Variants in ZNF71 observed in about 807,000 individuals in gnomAD.
ZNF71 encodes the protein zinc finger protein 71, also known as endothelial zinc finger protein induced by tumor necrosis factor alpha.
A neutral mutation model predicts 6.7 loss-of-function variants in ZNF71; 3 were observed. The ratio of observed to expected loss-of-function variants is 0.45; its 90% CI spans 0.20 to 1.16. ZNF71 has a LOEUF of 1.16. Among genes scored for constraint, ZNF71 ranks in the 50% most tolerant of loss-of-function variants. ZNF71 has a pLI of 0.25. For missense variants in ZNF71, 688 were observed against 728.6 expected, an observed-to-expected ratio of 0.94 and a Z score of 0.64; for synonymous variants, 343 against 311.1, an observed-to-expected ratio of 1.10 and a Z score of -1.08.
In ZNF71 at chr19:56,622,832, T is replaced by C; in HGVS notation, c.*75T>C. On this transcript the variant is annotated 3_prime_UTR_variant, in exon 4 of 4. Transcript: ENST00000599599. ...TGGCTGCGCGCTTTGTCAGCAGTGC[T>C]GTGAGAAGTTCTCCCCTGGGGTGGG... 1 of 1,522,572 alleles carries C rather than the reference T, an allele frequency of 6.6e-7. No homozygotes were observed. The highest frequency in any genetic ancestry group is 8.8e-7 in the Non-Finnish European group (1 of 1,133,186). The allele number at this position is 1,522,572 out of a possible 1,614,324, so 94.3% of individuals were successfully genotyped here.
At chr19:56,596,604 C>T (rs1287611601) in intron 1 of ZNF71, among the ~76,000 whole-genome samples, 2 of 152,138 alleles carry the variant, frequency 1.3e-5, no homozygotes, top group Admixed American at 1.3e-4. Context: ...TCTGTTCTGA[C>T]CAAGGAGAGG....
At chr19:56,597,306 G>A (rs1031529477) in intron 1 of ZNF71, among the ~76,000 whole-genome samples, 1 of 152,064 alleles carries the variant, frequency 6.6e-6, no homozygotes, top group Non-Finnish European at 1.5e-5. Flanking sequence ...CTATCTGCAA[G>A]GAATTTTTTT....
chr19:56,611,209 C>T (rs1487369685), intron 2 of ZNF71, among the ~76,000 whole-genome samples: 1 of 152,140 alleles, frequency 6.6e-6, no homozygotes, highest in Non-Finnish European at 1.5e-5. Context: ...TGGAGCAGAG[C>T]ACAAGGGGCA....
chr19:56,622,965 G>C lies in ZNF71; in HGVS notation c.*208G>C, dbSNP rs753016399. On this transcript the variant is annotated 3_prime_UTR_variant, in exon 4 of 4. Transcript: ENST00000599599. ...GAAAGCAAGCCCCTCGGTGTCTGAC[G>C]TATCTGGGGACACTTCAAGGTTCAC... 1.5e-6 allele frequency: 1 copy of C among 662,888 alleles called. No individual in the cohort carries two copies. Among genetic ancestry groups the C allele is most frequent in the Non-Finnish European group, 2.6e-6 (1 of 388,054 alleles). The allele number at this position is 662,888 out of a possible 1,614,324, so 41.1% of individuals were successfully genotyped here. A position where few individuals can be genotyped will look rare whatever the true frequency, so the allele number is the denominator to read the frequency against.
intron 3 of ZNF71, among the ~76,000 whole-genome samples, chr19:56,616,489 T>G (rs897679416): frequency 1.3e-5 from 2 of 152,222 alleles, no homozygotes; most frequent in Non-Finnish European, 2.9e-5. Context: ...CATTCTGGGT[T>G]TTCTGCCCAA....
Position 56,623,232 on chromosome 19 carries a change from C to CT in ZNF71, c.*476dup, listed in dbSNP as rs746095155. ...GTGGGTTGGGAGCGTGAGGGCCTTC[C>CT]TATCCCTCCACCCACCGTTTCCCTG... On this transcript the variant is annotated 3_prime_UTR_variant, in exon 4 of 4. Transcript: ENST00000599599. The CT allele has an allele frequency of 3.6e-4, 64 of 175,644 alleles. No individual in the cohort carries two copies. The highest frequency in any genetic ancestry group is 5.1e-4 in the Non-Finnish European group (37 of 73,062). The allele number at this position is 175,644 out of a possible 1,614,324, so 10.9% of individuals were successfully genotyped here. A position where few individuals can be genotyped will look rare whatever the true frequency, so the allele number is the denominator to read the frequency against.
chr19:56,617,242 C>T (rs936199011), intron 3 of ZNF71, among the ~76,000 whole-genome samples: 3 of 151,740 alleles, frequency 2.0e-5, no homozygotes, highest in African/African-American at 7.3e-5. Context: ...TCCTAAGTAG[C>T]TAGGATTACA....
intron 3 of ZNF71, among the ~76,000 whole-genome samples, chr19:56,615,912 G>A (rs1472571225): frequency 6.6e-6 from 1 of 152,110 alleles, no homozygotes; most frequent in Non-Finnish European, 1.5e-5. Context: ...AGGTTTTAGT[G>A]GTTTAGCTCT....
At position 56,621,598 on chromosome 19, in the gene ZNF71, C is replaced by T; in HGVS notation, c.491C>T (p.Pro164Leu). The stretch of plus-strand genomic sequence containing the variant: ...CCCACAGAAAAGGGGGCCTGTCCAC[C>T]CGTAAGGCGTGGCAAGAACTTCTCC... Reference protein sequence around the residue: ...DDPTEKGACPPVRRGKNFSST... With the variant: ...DDPTEKGACPLVRRGKNFSST... Residue 164 changes from proline to leucine, a missense_variant, in exon 4 of 4, where the codon CCC (proline) becomes CTC (leucine). Transcript: ENST00000599599. 1 of 1,614,214 alleles carries T rather than the reference C, an allele frequency of 6.2e-7. No homozygotes were observed. Among genetic ancestry groups the T allele is most frequent in the Non-Finnish European group, 8.5e-7 (1 of 1,180,030 alleles).
chr19:56,597,403 A>G (rs968925952), intron 1 of ZNF71, among the ~76,000 whole-genome samples: 6 of 152,244 alleles, frequency 3.9e-5, no homozygotes, highest in African/African-American at 1.4e-4. Flanking sequence ...GAAAGAAAAA[A>G]TAATTAATAA....
In ZNF71 at chr19:56,622,268, G is replaced by C; in HGVS notation, c.1161G>C (p.Val387=). The C allele has an allele frequency of 6.2e-7, 1 of 1,607,648 alleles. No homozygotes were observed. Among genetic ancestry groups the C allele is most frequent in the Non-Finnish European group, 8.5e-7 (1 of 1,174,910 alleles). The change falls in exon 4 of 4, where the codon GTG becomes GTC. Residue 387 remains valine (V), a synonymous_variant. Coordinates refer to ENST00000599599, the MANE Select transcript of ZNF71 (RefSeq NM_001370215.1). ...ACCACACCGGCGAGAAGCCCTACGTGTGCGGCGAGTGCGGCAAGGCCTTCA... is the reference window on the plus strand; with the variant it reads ...ACCACACCGGCGAGAAGCCCTACGTCTGCGGCGAGTGCGGCAAGGCCTTCA... ...QRNHTGEKPY[V]CGECGKAFSQ...
In ZNF71 at chr19:56,614,529, G is replaced by A. The variant is rs187084413; in HGVS notation, c.160+591G>A. 2.6e-3 allele frequency among the ~76,000 whole-genome samples: 399 copies of A among 152,158 alleles called. 3 individuals carry two copies. Among genetic ancestry groups the A allele is most frequent in the Non-Finnish European group, 4.7e-3 (319 of 68,002 alleles). Reference sequence around the variant, plus strand: ...CATGGGAAGAAAAATCAAGGAAAACGACCTAAATGCCCAGCTGTCTAAGAC... The same window carrying A: ...CATGGGAAGAAAAATCAAGGAAAACAACCTAAATGCCCAGCTGTCTAAGAC... On this transcript the variant is annotated intron_variant, in intron 3 of 3. Coordinates refer to ENST00000599599, the MANE Select transcript of ZNF71 (RefSeq NM_001370215.1).
chr19:56,605,808 C>T (rs1229907897), intron 2 of ZNF71, among the ~76,000 whole-genome samples: 2 of 152,190 alleles, frequency 1.3e-5, no homozygotes, highest in African/African-American at 2.4e-5. Flanking sequence ...GATATTTATC[C>T]AACTGTCTTC....
chr19:56,606,762 G>A (rs2044713188), intron 2 of ZNF71, among the ~76,000 whole-genome samples: 1 of 151,854 alleles, frequency 6.6e-6, no homozygotes, highest in Admixed American at 6.6e-5. Flanking sequence ...TGAGACACCT[G>A]TTGTGATGAC....
intron 2 of ZNF71, among the ~76,000 whole-genome samples, chr19:56,611,973 T>A (rs1234265352): frequency 1.3e-5 from 2 of 152,182 alleles, no homozygotes; most frequent in Non-Finnish European, 2.9e-5. Context: ...GTTTTTCCTT[T>A]CTGAAATGCA....
chr19:56,609,625 A>C (rs570836522), intron 2 of ZNF71, among the ~76,000 whole-genome samples: 2 of 140,876 alleles, frequency 1.4e-5, no homozygotes, highest in African/African-American at 6.4e-5. Context: ...TCCATAAATG[A>C]GGCATACGAT....
At position 56,622,153 on chromosome 19, in the gene ZNF71, A is replaced by G; in HGVS notation, c.1046A>G (p.Gln349Arg). The change falls in exon 4 of 4, where the codon CAG becomes CGG. Residue 349 changes from glutamine (Q) to arginine (R), a missense_variant. Physicochemically the swap from Gln to Arg is conservative, Grantham distance 43. Transcript: ENST00000599599. Reference sequence around the variant, plus strand: ...CAGAACATGCACCTGACCGAGCACCAGCGCACGCACACCGGGGAGAAGCCG... The same window carrying G: ...CAGAACATGCACCTGACCGAGCACCGGCGCACGCACACCGGGGAGAAGCCG... ...FSQNMHLTEH[Q>R]RTHTGEKPYA... 1 of 1,613,852 alleles carries G rather than the reference A, an allele frequency of 6.2e-7. No individual in the cohort carries two copies. Among genetic ancestry groups the G allele is most frequent in the Non-Finnish European group, 8.5e-7 (1 of 1,179,868 alleles).
rs2044875405 is a variant in ZNF71, at chr19:56,622,824, A to G, written c.*67A>G. 4 of 1,532,620 alleles carry G rather than the reference A, an allele frequency of 2.6e-6. No individual in the cohort carries two copies. The East Asian group carries it at 9.1e-5, about 35-fold the overall frequency. 94.9% of individuals were successfully genotyped at this position (1,532,620 alleles called of 1,614,324 possible). A position where few individuals can be genotyped will look rare whatever the true frequency, so the allele number is the denominator to read the frequency against. On this transcript the variant is annotated 3_prime_UTR_variant, in exon 4 of 4. Coordinates refer to ENST00000599599, the MANE Select transcript of ZNF71 (RefSeq NM_001370215.1). ...ACGCCAGATGGCTGCGCGCTTTGTC[A>G]GCAGTGCTGTGAGAAGTTCTCCCCT...
chr19:56,601,098 T>C (rs1020755598), intron 1 of ZNF71, among the ~76,000 whole-genome samples: 2 of 151,974 alleles, frequency 1.3e-5, no homozygotes, highest in African/African-American at 4.8e-5. Flanking sequence ...TGTGTGTGAG[T>C]GTATGTGTGT....
Sources: gnomAD v4.1 joint callset for allele counts (sites outside exome capture counted in the v4.1 genomes callset) on GRCh38, gnomAD v4.1.1 for gene constraint, MANE v1.5 for transcripts, NCBI Gene and HGNC (gene_info 2026-07-23, HGNC 2026-07-21) for gene names.